The following ADGRL3 variants were observed in gnomAD, a reference collection of about 807,000 sequenced individuals.
The protein encoded by ADGRL3 is adhesion G protein-coupled receptor L3.
Under a neutral mutation model 153.5 loss-of-function variants are expected in ADGRL3, and 62 were observed. The ratio of observed to expected loss-of-function variants is 0.40; its 90% CI spans 0.33 to 0.50. The LOEUF is 0.50. Ranked by LOEUF, ADGRL3 falls within the 20% of genes least tolerant of loss-of-function variation. The pLI is 0.47. For missense variants in ADGRL3, 1,641 were observed against 1,859.4 expected (o/e 0.88, Z 2.16); for synonymous variants, 710 against 672.5 (o/e 1.06, Z -0.86).
intron 25 of ADGRL3, among the ~76,000 whole-genome samples, chr4:62,060,730 T>G (rs911064254): frequency 1.3e-5 from 2 of 151,902 alleles, no homozygotes; most frequent in African/African-American, 4.8e-5. Flanking sequence ...TTTCATTTTT[T>G]TGTCCAAAAG....
chr4:62,009,845 C>G (rs953696671), intron 21 of ADGRL3, among the ~76,000 whole-genome samples: 3 of 152,146 alleles, frequency 2.0e-5, no homozygotes, highest in Non-Finnish European at 2.9e-5. Flanking sequence ...ACATTTTGCT[C>G]AGGCCACTAC....
At chr4:61,559,793 G>A (rs76645214) in intron 4 of ADGRL3, among the ~76,000 whole-genome samples, 5,042 of 151,098 alleles carry the variant, frequency 0.033, 253 homozygotes, top group African/African-American at 0.11. Context: ...GAAATAATGG[G>A]GTACTTAGGC....
Position 61,394,753 on chromosome 4 carries a change from G to A in ADGRL3, c.-174+11564G>A, listed in dbSNP as rs932417248. Reference sequence around the variant, plus strand: ...CCTTGAATGTTCTGAGAACAATAATGCAATTAGCTAAAATGTTTATTCACA... The same window carrying A: ...CCTTGAATGTTCTGAGAACAATAATACAATTAGCTAAAATGTTTATTCACA... On this transcript the variant is annotated intron_variant, in intron 2 of 26. Transcript: ENST00000683033. Among the ~76,000 whole-genome samples the A allele has an allele frequency of 3.3e-5, 5 of 152,066 alleles. No homozygotes were observed. In the East Asian group the frequency reaches 9.7e-4, roughly 29 times the overall value.
intron 9 of ADGRL3, among the ~76,000 whole-genome samples, chr4:61,836,666 A>G (rs916570290): frequency 6.6e-6 from 1 of 152,094 alleles, no homozygotes; most frequent in Non-Finnish European, 1.5e-5. Context: ...ATTCATGAAT[A>G]CTTATGGTAC....
intron 5 of ADGRL3, among the ~76,000 whole-genome samples, chr4:61,665,137 G>A (rs868388099): frequency 3.9e-5 from 6 of 152,194 alleles, no homozygotes; most frequent in Non-Finnish European, 8.8e-5. Flanking sequence ...ACTGCCGGGC[G>A]CGGTGGCTCC....
chr4:61,615,124 A>G (rs2091849852), intron 5 of ADGRL3, among the ~76,000 whole-genome samples: 1 of 152,184 alleles, frequency 6.6e-6, no homozygotes, highest in Non-Finnish European at 1.5e-5. Context: ...ATAATGATTA[A>G]AAATGAGTAC....
intron 8 of ADGRL3, among the ~76,000 whole-genome samples, chr4:61,736,593 G>A (rs1051965593): frequency 6.6e-6 from 1 of 152,200 alleles, no homozygotes; most frequent in African/African-American, 2.4e-5. Flanking sequence ...GGGAGGCGGA[G>A]GTTGCAGCGA....
intron 17 of ADGRL3, among the ~76,000 whole-genome samples, chr4:61,959,121 T>C (rs1208881455): frequency 6.6e-6 from 1 of 152,216 alleles, no homozygotes; most frequent in East Asian, 1.9e-4. Context: ...TTTAGAAGAA[T>C]GTTAAAAAAC....
At chr4:61,545,240 G>A (rs1356413598) in intron 4 of ADGRL3, among the ~76,000 whole-genome samples, 2 of 152,154 alleles carry the variant, frequency 1.3e-5, no homozygotes, top group African/African-American at 2.4e-5. Flanking sequence ...TGTTCCCACT[G>A]AGGTTATCAT....
chr4:61,577,485 A>G (rs1329523917), intron 4 of ADGRL3, among the ~76,000 whole-genome samples: 4 of 151,988 alleles, frequency 2.6e-5, no homozygotes, highest in Admixed American at 6.6e-5. Context: ...TTGATTTGCA[A>G]TAAAGAATAT....
intron 5 of ADGRL3, among the ~76,000 whole-genome samples, chr4:61,597,558 CT>C (rs1357225526): frequency 6.6e-6 from 1 of 151,874 alleles, no homozygotes; most frequent in Non-Finnish European, 1.5e-5. Context: ...TATGACAGTT[CT>C]TTACCAATAC....
intron 13 of ADGRL3, among the ~76,000 whole-genome samples, chr4:61,929,513 A>C (rs557056418): frequency 6.6e-6 from 1 of 152,310 alleles, no homozygotes; most frequent in African/African-American, 2.4e-5. Flanking sequence ...CATCAAACTA[A>C]TAACTTCAGA....
chr4:61,779,142 T>C (rs1167359164), intron 8 of ADGRL3, among the ~76,000 whole-genome samples: 1 of 152,206 alleles, frequency 6.6e-6, no homozygotes, highest in African/African-American at 2.4e-5. Flanking sequence ...CAAATAATTT[T>C]GTTTAGTGAT....
chr4:61,992,272 C>T (rs1288805192), intron 19 of ADGRL3, among the ~76,000 whole-genome samples: 1 of 152,090 alleles, frequency 6.6e-6, no homozygotes. Context: ...CTTTGTCTCA[C>T]CTTAACCAGT....
intron 6 of ADGRL3, 187 bp downstream of exon 6, chr4:61,677,122 C>T (rs2095220566): frequency 1.9e-6 from 1 of 524,162 alleles, no homozygotes; most frequent in Non-Finnish European, 3.4e-6. Flanking sequence ...CTACCCTCTC[C>T]TACGGCATTT....
chr4:61,224,436 T>G (rs1747001392), intron 1 of ADGRL3, among the ~76,000 whole-genome samples: 1 of 152,358 alleles, frequency 6.6e-6, no homozygotes, highest in Admixed American at 6.5e-5. Flanking sequence ...TGATTAAAAA[T>G]TTATTGCTTC....
intron 4 of ADGRL3, among the ~76,000 whole-genome samples, chr4:61,584,082 C>A (rs1342145693): frequency 1.3e-5 from 2 of 150,822 alleles, no homozygotes; most frequent in Non-Finnish European, 3.0e-5. Context: ...TAACAAAAAC[C>A]TTTTTTTTTC....
chr4:61,840,905 A>G (rs1254439094), intron 9 of ADGRL3, among the ~76,000 whole-genome samples: 1 of 152,164 alleles, frequency 6.6e-6, no homozygotes, highest in Non-Finnish European at 1.5e-5. Context: ...CTTAGATTTT[A>G]TCTTTTAGAA....
intron 6 of ADGRL3, among the ~76,000 whole-genome samples, chr4:61,697,427 G>A (rs1028279194): frequency 1.3e-5 from 2 of 151,886 alleles, no homozygotes; most frequent in Admixed American, 6.6e-5. Context: ...AGGAATGGTG[G>A]CAGGTGCCTG....
Sources: gnomAD v4.1 joint callset for allele counts (sites outside exome capture counted in the v4.1 genomes callset) on GRCh38, gnomAD v4.1.1 for gene constraint, MANE v1.5 for transcripts, NCBI Gene and HGNC (gene_info 2026-07-23, HGNC 2026-07-21) for gene names.